IQCJ: variants seen among roughly 807,000 people sequenced by gnomAD.
IQCJ encodes IQ domain-containing protein J.
A neutral mutation model predicts 11.0 loss-of-function variants in IQCJ; 9 were observed. The ratio of observed to expected loss-of-function variants is 0.82; its 90% confidence interval spans 0.49 to 1.43. IQCJ has a LOEUF of 1.43. Among genes scored for constraint, IQCJ ranks in the 40% most tolerant of loss-of-function variants. IQCJ has a pLI of 0.00. For missense variants in IQCJ, 146 were observed against 133.2 expected, an observed-to-expected ratio of 1.10 and a Z score of -0.47; for synonymous variants, 55 against 51.3, an observed-to-expected ratio of 1.07 and a Z score of -0.31.
chr3:159,151,799 C>T (rs2108203379), intron 1 of IQCJ, among the ~76,000 whole-genome samples: 1 of 152,256 alleles, frequency 6.6e-6, no homozygotes, highest in Admixed American at 6.5e-5. Flanking sequence ...CCACGTTTGC[C>T]TAATTTTTTG....
At chr3:159,088,498 T>G (rs988407006) in intron 1 of IQCJ, among the ~76,000 whole-genome samples, 11 of 152,228 alleles carry the variant, frequency 7.2e-5, no homozygotes, top group African/African-American at 2.7e-4. Flanking sequence ...CTCATTGATC[T>G]GTCTAATGTT....
chr3:159,084,861 G>C (rs1034046887), intron 1 of IQCJ, among the ~76,000 whole-genome samples: 1 of 151,882 alleles, frequency 6.6e-6, no homozygotes, highest in Non-Finnish European at 1.5e-5. Context: ...CCTGTCTTTC[G>C]GGTCTTGGAG....
At chr3:159,129,983 C>T (rs1314382230) in intron 1 of IQCJ, among the ~76,000 whole-genome samples, 2 of 152,022 alleles carry the variant, frequency 1.3e-5, no homozygotes, top group African/African-American at 4.8e-5. Context: ...GCAATTTTAT[C>T]ACAAGTGTAG....
chr3:159,122,055 T>C (rs1719410640), intron 1 of IQCJ, among the ~76,000 whole-genome samples: 1 of 152,178 alleles, frequency 6.6e-6, no homozygotes, highest in African/African-American at 2.4e-5. Flanking sequence ...GGTGCCAGCA[T>C]GGTTGGGTTC....
chr3:159,253,721 C>G (rs925677446), intron 3 of IQCJ, among the ~76,000 whole-genome samples: 1 of 152,012 alleles, frequency 6.6e-6, no homozygotes, highest in African/African-American at 2.4e-5. Flanking sequence ...AATCACTGAT[C>G]TGTTTTTTAA....
intron 1 of IQCJ, among the ~76,000 whole-genome samples, chr3:159,191,468 A>G (rs56202282): frequency 0.012 from 1,781 of 152,220 alleles, 27 homozygotes; most frequent in African/African-American, 0.041. Flanking sequence ...ATTTTTCCTC[A>G]GGGTGGGAGG....
intron 3 of IQCJ, among the ~76,000 whole-genome samples, chr3:159,254,962 C>T (rs1382136331): frequency 6.6e-6 from 1 of 152,246 alleles, no homozygotes; most frequent in Non-Finnish European, 1.5e-5. Flanking sequence ...TCTGCGGGGG[C>T]TTTGCCCCAT....
At chr3:159,224,094 G>T (rs1354166056) in intron 1 of IQCJ, among the ~76,000 whole-genome samples, 2 of 144,612 alleles carry the variant, frequency 1.4e-5, no homozygotes, top group African/African-American at 5.1e-5. Flanking sequence ...AAGACTTAAA[G>T]AAATGGCTGA....
intron 2 of IQCJ, among the ~76,000 whole-genome samples, chr3:159,249,573 T>A (rs1313111344): frequency 6.6e-6 from 1 of 152,188 alleles, no homozygotes; most frequent in Non-Finnish European, 1.5e-5. Flanking sequence ...ATTCTGGAGA[T>A]TTTTTTGGTC....
At chr3:159,141,353 TGGATCACACA>T (rs1205945411) in intron 1 of IQCJ, among the ~76,000 whole-genome samples, 1 of 152,178 alleles carries the variant, frequency 6.6e-6, no homozygotes, top group Non-Finnish European at 1.5e-5. Flanking sequence ...TAAGCAGGGA[TGGATCACACA>T]GGACCCAGTA....
At chr3:159,158,470 G>A (rs566395047) in intron 1 of IQCJ, among the ~76,000 whole-genome samples, 21 of 152,256 alleles carry the variant, frequency 1.4e-4, no homozygotes, top group Middle Eastern at 6.8e-3. Flanking sequence ...AAGGGTTTCC[G>A]GAATTCTCAG....
chr3:159,177,021 T>A (rs930936618), intron 1 of IQCJ, among the ~76,000 whole-genome samples: 12 of 152,192 alleles, frequency 7.9e-5, no homozygotes, highest in Non-Finnish European at 2.9e-5. Context: ...TGTATTTGAT[T>A]GTTACATGCT....
chr3:159,219,481 A>G (rs1725417693), intron 1 of IQCJ, among the ~76,000 whole-genome samples: 1 of 152,160 alleles, frequency 6.6e-6, no homozygotes. Flanking sequence ...TGTGGTCAGC[A>G]GAGGACATGA....
chr3:159,135,671 GT>G (rs1236973386), intron 1 of IQCJ, among the ~76,000 whole-genome samples: 2 of 152,176 alleles, frequency 1.3e-5, no homozygotes, highest in African/African-American at 4.8e-5. Flanking sequence ...TATGGGTTAG[GT>G]TTTATGGGTT....
At chr3:159,233,706 G>A (rs1298260974) in intron 1 of IQCJ, among the ~76,000 whole-genome samples, 1 of 152,158 alleles carries the variant, frequency 6.6e-6, no homozygotes, top group Non-Finnish European at 1.5e-5. Flanking sequence ...ATGGAGCAGA[G>A]CTGGACACCA....
chr3:159,074,496 G>T (rs1337893831), intron 1 of IQCJ, among the ~76,000 whole-genome samples: 2 of 151,900 alleles, frequency 1.3e-5, no homozygotes, highest in Non-Finnish European at 2.9e-5. Context: ...GGTCTAACAG[G>T]TGTCTGCAGA....
At chr3:159,197,581 A>G (rs1724061103) in intron 1 of IQCJ, among the ~76,000 whole-genome samples, 1 of 152,120 alleles carries the variant, frequency 6.6e-6, no homozygotes, top group African/African-American at 2.4e-5. Context: ...GATCCAACAG[A>G]TTTTCTCCTG....
intron 1 of IQCJ, among the ~76,000 whole-genome samples, chr3:159,182,279 C>T (rs1723134038): frequency 6.6e-6 from 1 of 151,868 alleles, no homozygotes; most frequent in Non-Finnish European, 1.5e-5. Flanking sequence ...CTTTACTCAC[C>T]ATGGTGGGTA....
intron 1 of IQCJ, among the ~76,000 whole-genome samples, chr3:159,089,193 G>A (rs1263425222): frequency 6.6e-6 from 1 of 151,948 alleles, no homozygotes; most frequent in Non-Finnish European, 1.5e-5. Context: ...TAGTTTGGCT[G>A]GATATGAAGT....
Sources: gnomAD v4.1 joint callset for allele counts (sites outside exome capture counted in the v4.1 genomes callset) on GRCh38, gnomAD v4.1.1 for gene constraint, MANE v1.5 for transcripts, NCBI Gene and HGNC (gene_info 2026-07-23, HGNC 2026-07-21) for gene names.